The following TENM1 variants were observed in gnomAD, a reference collection of about 807,000 sequenced individuals.
TENM1 encodes teneurin transmembrane protein 1.
A neutral mutation model predicts 174.8 loss-of-function variants in TENM1; 35 were observed. The observed-to-expected ratio is 0.20, with a 90% CI of 0.15 to 0.27. TENM1 has a LOEUF of 0.27. Ranked by LOEUF, TENM1 falls within the 10% of genes least tolerant of loss-of-function variation. The pLI is 1.00. For synonymous variants in TENM1, 781 were observed against 798.7 expected (o/e 0.98, Z 0.37); for missense variants, 1,633 against 2,130.1 (o/e 0.77, Z 4.59).
At chrX:124,680,837 T>C (rs936187067) in intron 5 of TENM1, among the ~76,000 whole-genome samples, 1 of 110,961 alleles carries the variant, frequency 9.0e-6, no homozygotes, top group Non-Finnish European at 1.9e-5. Context: ...TTCTTCATTA[T>C]TGATGATGGG....
At chrX:124,589,785 G>A (rs1225711110) in intron 11 of TENM1, among the ~76,000 whole-genome samples, 3 of 111,396 alleles carry the variant, frequency 2.7e-5, no homozygotes, top group Non-Finnish European at 3.8e-5. Flanking sequence ...TTCTGATTGT[G>A]CTTATTTGGC....
intron 18 of TENM1, among the ~76,000 whole-genome samples, chrX:124,513,478 A>G (rs2047629456): frequency 8.9e-6 from 1 of 112,010 alleles, no homozygotes; most frequent in South Asian, 3.7e-4. Flanking sequence ...CTCTTTTGGC[A>G]TGCAACATAA....
chrX:125,199,433 T>A, the TENM1 span, among the ~76,000 whole-genome samples: 1 of 112,383 alleles, frequency 8.9e-6, no homozygotes, highest in Non-Finnish European at 1.9e-5. Flanking sequence ...TTTTTATGTG[T>A]CCATTTTCCA....
At chrX:125,107,140 A>G in the TENM1 span, among the ~76,000 whole-genome samples, 1 of 112,327 alleles carries the variant, frequency 8.9e-6, no homozygotes, top group African/African-American at 3.2e-5. Flanking sequence ...CAGAGTAATC[A>G]AGTATTGATT....
intron 14 of TENM1, among the ~76,000 whole-genome samples, chrX:124,551,600 T>C (rs1245265931): frequency 9.1e-6 from 1 of 110,168 alleles, no homozygotes; most frequent in East Asian, 2.9e-4. Flanking sequence ...AAGAAAACCG[T>C]TGGATGTAAT....
chrX:124,779,014 C>T (rs2054846380), intron 3 of TENM1, among the ~76,000 whole-genome samples: 1 of 112,014 alleles, frequency 8.9e-6, no homozygotes, highest in Non-Finnish European at 1.9e-5. Context: ...TGCTCCATTT[C>T]AGAGTGTGCC....
At chrX:125,153,184 G>C in the TENM1 span, among the ~76,000 whole-genome samples, 1 of 111,773 alleles carries the variant, frequency 8.9e-6, no homozygotes, top group African/African-American at 3.3e-5. Flanking sequence ...ATATGACTTT[G>C]GGGGAGGGGA....
At chrX:124,974,815 G>C in the TENM1 span, among the ~76,000 whole-genome samples, 1 of 100,689 alleles carries the variant, frequency 9.9e-6, no homozygotes, top group Non-Finnish European at 2.0e-5. Context: ...TTGCTGCTTA[G>C]GGAATCTTGA....
At chrX:124,558,634 A>G (rs1602660947) in intron 14 of TENM1, among the ~76,000 whole-genome samples, 1 of 111,722 alleles carries the variant, frequency 9.0e-6, no homozygotes, top group Non-Finnish European at 1.9e-5. Context: ...AGGGCATTTA[A>G]TATATTCTCA....
intron 11 of TENM1, among the ~76,000 whole-genome samples, chrX:124,625,034 G>T (rs959322942): frequency 9.0e-6 from 1 of 111,679 alleles, no homozygotes; most frequent in African/African-American, 3.3e-5. Flanking sequence ...AAAAATGTGA[G>T]GTGATAACTG....
At chrX:124,538,759 G>A (rs775151087) in intron 15 of TENM1, among the ~76,000 whole-genome samples, 311 of 112,030 alleles carry the variant, frequency 2.8e-3, no homozygotes, top group Non-Finnish European at 5.1e-3. Context: ...GGGGTTACTC[G>A]TAGATAGACA....
At chrX:125,028,390 A>G in the TENM1 span, among the ~76,000 whole-genome samples, 1 of 112,310 alleles carries the variant, frequency 8.9e-6, no homozygotes, top group Non-Finnish European at 1.9e-5. Context: ...AGTAAAACAT[A>G]CATAGAAATG....
chrX:125,012,819 T>C, the TENM1 span, among the ~76,000 whole-genome samples: 1 of 112,132 alleles, frequency 8.9e-6, no homozygotes, highest in Non-Finnish European at 1.9e-5. Context: ...ATGTATATAA[T>C]ATTAAAACAA....
At chrX:125,123,402 T>C in the TENM1 span, among the ~76,000 whole-genome samples, 2 of 103,723 alleles carry the variant, frequency 1.9e-5, no homozygotes, top group African/African-American at 3.6e-5. Context: ...CTGAGCAACA[T>C]GACAAAACTC....
chrX:124,504,167 A>T (rs1343926335), intron 18 of TENM1, among the ~76,000 whole-genome samples: 1 of 112,304 alleles, frequency 8.9e-6, no homozygotes, highest in Non-Finnish European at 1.9e-5. Context: ...CTTATACAGC[A>T]ACCAACTACA....
intron 3 of TENM1, among the ~76,000 whole-genome samples, chrX:124,867,834 T>C (rs1228294554): frequency 8.9e-6 from 1 of 112,140 alleles, no homozygotes; most frequent in Non-Finnish European, 1.9e-5. Flanking sequence ...CACTTCTATA[T>C]GCCAACAGTG....
chrX:125,030,912 A>C, the TENM1 span, among the ~76,000 whole-genome samples: 2 of 111,728 alleles, frequency 1.8e-5, no homozygotes, highest in African/African-American at 6.5e-5. Context: ...ATAAACGTTT[A>C]AATAACCAAC....
intron 3 of TENM1, among the ~76,000 whole-genome samples, chrX:124,825,718 T>G (rs946036192): frequency 1.8e-5 from 2 of 112,260 alleles, no homozygotes; most frequent in African/African-American, 3.2e-5. Context: ...AAATATTATT[T>G]CAAACATGCA....
intron 11 of TENM1, among the ~76,000 whole-genome samples, chrX:124,576,053 G>A (rs1029234441): frequency 9.0e-6 from 1 of 111,182 alleles, no homozygotes; most frequent in Non-Finnish European, 1.9e-5. Flanking sequence ...AACCCTAAAG[G>A]AGCAAATATT....
Sources: gnomAD v4.1 joint callset for allele counts (sites outside exome capture counted in the v4.1 genomes callset) on GRCh38, gnomAD v4.1.1 for gene constraint, MANE v1.5 for transcripts, NCBI Gene and HGNC (gene_info 2026-07-23, HGNC 2026-07-21) for gene names.